The following SPTBN1 variants were observed in gnomAD, a reference collection of about 807,000 sequenced individuals.
SPTBN1 encodes spectrin beta, non-erythrocytic 1.
A neutral mutation model predicts 266.4 loss-of-function variants in SPTBN1; 32 were observed. The ratio of observed to expected loss-of-function variants is 0.12; its 90% CI spans 0.09 to 0.16. The LOEUF is 0.16. Among genes scored for constraint, SPTBN1 ranks in the 10% least tolerant of loss-of-function variants. The pLI is 1.00. For synonymous variants in SPTBN1, 1,336 were observed against 1,162.2 expected, an observed-to-expected ratio of 1.15 and a Z score of -3.04; for missense variants, 2,296 against 3,067.1, an observed-to-expected ratio of 0.75 and a Z score of 5.94.
chr2:54,504,669 C>CT (rs1669458329), intron 1 of SPTBN1, among the ~76,000 whole-genome samples: 1 of 152,230 alleles, frequency 6.6e-6, no homozygotes, highest in African/African-American at 2.4e-5. Flanking sequence ...TATAAGGGAC[C>CT]TGAGCGTCCA....
At chr2:54,639,869 CAGG>C (rs1300767852) in intron 18 of SPTBN1, among the ~76,000 whole-genome samples, 2 of 152,194 alleles carry the variant, frequency 1.3e-5, no homozygotes, top group Non-Finnish European at 2.9e-5. Context: ...TTTTTATGTC[CAGG>C]AGATGATTTG....
Position 54,668,575 on chromosome 2 carries a change from TTTCC to T in SPTBN1, c.*10_*13del. ...TTTTTGGCAAAAAGAAATGAACTCC[TTTCC>T]TTCACCTCCTGCCCTTCTCTTACCT... is the stretch of plus-strand genomic sequence containing the variant. On this transcript the variant is annotated 3_prime_UTR_variant, in exon 36 of 36. Transcript: ENST00000356805. 1.2e-6 allele frequency: 2 copies of T among 1,604,790 alleles called. No homozygotes were observed. The highest frequency in any genetic ancestry group is 1.7e-6 in the Non-Finnish European group (2 of 1,175,382).
chr2:54,459,537 T>G (rs1693247759), intron 1 of SPTBN1, among the ~76,000 whole-genome samples: 1 of 152,234 alleles, frequency 6.6e-6, no homozygotes, highest in South Asian at 2.1e-4. Flanking sequence ...TCAGTGTGGA[T>G]TTTGTCGAAA....
chr2:54,523,731 C>G (rs1670627734), intron 1 of SPTBN1, among the ~76,000 whole-genome samples: 1 of 152,162 alleles, frequency 6.6e-6, no homozygotes, highest in African/African-American at 2.4e-5. Flanking sequence ...GAAGAATCAT[C>G]TCTTGAATGA....
intron 1 of SPTBN1, among the ~76,000 whole-genome samples, chr2:54,474,565 A>G (rs749782019): frequency 1.3e-4 from 20 of 152,220 alleles, no homozygotes; most frequent in Non-Finnish European, 2.8e-4. Flanking sequence ...GCCTGGAAAT[A>G]TGTAAGTATT....
At chr2:54,615,545 A>G (rs561914172) in intron 4 of SPTBN1, among the ~76,000 whole-genome samples, 2 of 152,258 alleles carry the variant, frequency 1.3e-5, no homozygotes, top group Admixed American at 1.3e-4. Flanking sequence ...ATTTAAGTGC[A>G]TAACAGTGCT....
At chr2:54,459,544 G>A (rs921685896) in intron 1 of SPTBN1, among the ~76,000 whole-genome samples, 11 of 152,162 alleles carry the variant, frequency 7.2e-5, no homozygotes, top group Non-Finnish European at 1.2e-4. Context: ...GGATTTTGTC[G>A]AAATAATTTT....
rs973887668 is a variant in SPTBN1 at position 54,670,721 on chromosome 2, A to G, written c.*2152A>G. ...CATAATAAATACGTACATGTGGAAC[A>G]TCGTGCACATAATTTCAACAGTTCG... On this transcript the variant is annotated 3_prime_UTR_variant, in exon 36 of 36. Coordinates refer to ENST00000356805, the MANE Select transcript of SPTBN1 (RefSeq NM_003128.3). 5.0e-6 allele frequency: 2 copies of G among 398,544 alleles called. No homozygotes were observed. Among genetic ancestry groups the G allele is most frequent in the African/African-American group, 2.1e-5 (1 of 48,638 alleles). 24.7% of individuals were successfully genotyped at this position (398,544 alleles called of 1,614,324 possible).
chr2:54,643,271 G>A lies in SPTBN1; in HGVS notation c.4005+142G>A, dbSNP rs1162473860. On this transcript the variant is annotated intron_variant, in intron 19 of 35. Transcript: ENST00000356805. Reference sequence around the variant, plus strand: ...TACACAGCCAGTAATAGCTCCCTTTGCACGTACGGGTTCCTGACTTCAACC... The same window carrying A: ...TACACAGCCAGTAATAGCTCCCTTTACACGTACGGGTTCCTGACTTCAACC... 3.2e-6 allele frequency: 4 copies of A among 1,259,638 alleles called. No individual in the cohort carries two copies. The East Asian group carries it at 1.1e-4, about 33-fold the overall frequency. 78.0% of individuals were successfully genotyped at this position (1,259,638 alleles called of 1,614,324 possible).
intron 1 of SPTBN1, among the ~76,000 whole-genome samples, chr2:54,473,333 GC>G (rs1054076940): frequency 6.6e-6 from 1 of 152,162 alleles, no homozygotes; most frequent in African/African-American, 2.4e-5. Context: ...CTTGGAAAAT[GC>G]GTGTGTGGGC....
At chr2:54,604,378 C>T (rs912271944) in intron 3 of SPTBN1, among the ~76,000 whole-genome samples, 1 of 151,966 alleles carries the variant, frequency 6.6e-6, no homozygotes, top group African/African-American at 2.4e-5. Flanking sequence ...TTCTTTTCCT[C>T]TCCATCTCTG....
At chr2:54,654,319 T>C (rs1680505646) in intron 27 of SPTBN1, among the ~76,000 whole-genome samples, 1 of 152,224 alleles carries the variant, frequency 6.6e-6, no homozygotes. Context: ...ACATCTGCTT[T>C]AATATGGTGT....
At chr2:54,487,685 A>T (rs1276031482) in intron 1 of SPTBN1, among the ~76,000 whole-genome samples, 1 of 150,912 alleles carries the variant, frequency 6.6e-6, no homozygotes, top group Non-Finnish European at 1.5e-5. Flanking sequence ...CAATAAATGA[A>T]TAAATGAATC....
chr2:54,655,639 C>A (rs1680599168), intron 28 of SPTBN1, among the ~76,000 whole-genome samples: 1 of 152,246 alleles, frequency 6.6e-6, no homozygotes, highest in African/African-American at 2.4e-5. Flanking sequence ...GTCCGTCTTG[C>A]TGTCCCTCTC....
At chr2:54,557,981 C>T (rs369183972) in intron 2 of SPTBN1, 4 of 985,058 alleles carry the variant, frequency 4.1e-6, no homozygotes, top group Non-Finnish European at 4.8e-6. Flanking sequence ...CCTCAGCAGA[C>T]GCTAGAGAGT....
chr2:54,657,822 G>C (rs376040751), intron 29 of SPTBN1, 28 bp from the exon 30 acceptor site: 89 of 1,613,564 alleles, frequency 5.5e-5, no homozygotes, highest in Non-Finnish European at 7.5e-5. Flanking sequence ...CCTGGTCAAC[G>C]TGTACTAACT....
intron 1 of SPTBN1, among the ~76,000 whole-genome samples, chr2:54,488,730 A>G (rs1399565332): frequency 6.6e-6 from 1 of 152,098 alleles, no homozygotes; most frequent in Non-Finnish European, 1.5e-5. Context: ...ATAACTCCAG[A>G]TGGTACATTT....
chr2:54,644,614 G>T (rs774314479), intron 20 of SPTBN1, 28 bp downstream of exon 20: 15 of 1,580,528 alleles, frequency 9.5e-6, no homozygotes, highest in Admixed American at 5.2e-5. Context: ...CATGGACTTG[G>T]GTGTATTTCT....
intron 10 of SPTBN1, 138 bp from the exon 11 acceptor site, chr2:54,624,666 G>A (rs1678211883): frequency 7.7e-7 from 1 of 1,297,906 alleles, no homozygotes; most frequent in East Asian, 2.6e-5. Flanking sequence ...TTGAGAGTCA[G>A]TGAGAGTGGG....
Sources: gnomAD v4.1 joint callset for allele counts (sites outside exome capture counted in the v4.1 genomes callset) on GRCh38, gnomAD v4.1.1 for gene constraint, MANE v1.5 for transcripts, NCBI Gene and HGNC (gene_info 2026-07-23, HGNC 2026-07-21) for gene names.